Variants in TBC1D4 observed in about 807,000 individuals in gnomAD.
The protein encoded by TBC1D4 is TBC (Tre-2, BUB2, CDC16) domain-containing protein.
TBC1D4 carries 121 observed loss-of-function variants against 142.5 expected under a neutral mutation model. The observed-to-expected ratio is 0.85, with a 90% confidence interval of 0.73 to 0.99. The LOEUF (loss-of-function observed/expected upper bound fraction) is 0.99, where lower values mean the gene tolerates loss of function less well. TBC1D4 is among the 50% of genes least tolerant of loss of function. TBC1D4 has a pLI of 0.00. For missense variants in TBC1D4, 1,475 were observed against 1,606.6 expected (o/e 0.92, Z 1.40); for synonymous variants, 630 against 628.2 (o/e 1.00, Z -0.04).
At chr13:75,393,792 G>T (rs559411986) in intron 1 of TBC1D4, among the ~76,000 whole-genome samples, 12 of 151,980 alleles carry the variant, frequency 7.9e-5, no homozygotes, top group South Asian at 2.1e-4. Flanking sequence ...TTATCCAGGC[G>T]TGGTGGCACA....
intron 8 of TBC1D4, among the ~76,000 whole-genome samples, chr13:75,336,703 T>C (rs1052157588): frequency 6.6e-6 from 1 of 152,092 alleles, no homozygotes. Flanking sequence ...ATCTCACCAC[T>C]GCACTCCAAT....
At position 75,288,623 on chromosome 13, in the gene TBC1D4, A is replaced by G. The variant is rs531886564; in HGVS notation, c.3663+311T>C. ...ATTCCAGCTCAAGCCCAGGTCCTTC[A>G]CAACTTCATCAATTTCCTACATTCA... On this transcript the variant is annotated intron_variant, in intron 20 of 20. Coordinates refer to ENST00000377636, the MANE Select transcript of TBC1D4 (RefSeq NM_014832.5). Among the ~76,000 whole-genome samples, 3 of 152,196 alleles carry G rather than the reference A, an allele frequency of 2.0e-5. No individual in the cohort carries two copies. The East Asian group carries it at 5.8e-4, about 29-fold the overall frequency.
intron 1 of TBC1D4, among the ~76,000 whole-genome samples, chr13:75,383,810 G>A (rs1884006229): frequency 6.6e-6 from 1 of 152,132 alleles, no homozygotes. Flanking sequence ...CGGGGCTACT[G>A]TATATAACTG....
chr13:75,317,957 T>C (rs1878453015), intron 12 of TBC1D4, among the ~76,000 whole-genome samples: 1 of 152,236 alleles, frequency 6.6e-6, no homozygotes, highest in Admixed American at 6.5e-5. Context: ...TCAAATGCTA[T>C]AATATGAACT....
intron 5 of TBC1D4, among the ~76,000 whole-genome samples, 178 bp from the exon 6 acceptor site, chr13:75,341,765 T>C (rs113113093): frequency 5.8e-4 from 89 of 152,322 alleles, no homozygotes; most frequent in African/African-American, 2.0e-3. Context: ...TAAAACTAGA[T>C]GAAAAACCTC....
intron 1 of TBC1D4, among the ~76,000 whole-genome samples, chr13:75,425,734 T>C (rs566122585): frequency 2.0e-5 from 3 of 152,128 alleles, no homozygotes; most frequent in Non-Finnish European, 4.4e-5. Context: ...TACCACATGA[T>C]CTCACTTATC....
At chr13:75,440,494 G>A (rs947877381) in intron 1 of TBC1D4, among the ~76,000 whole-genome samples, 1 of 152,072 alleles carries the variant, frequency 6.6e-6, no homozygotes, top group African/African-American at 2.4e-5. Context: ...AATACATATT[G>A]AAGAGGGAAC....
chr13:75,436,667 A>C (rs1886813526), intron 1 of TBC1D4, among the ~76,000 whole-genome samples: 1 of 151,996 alleles, frequency 6.6e-6, no homozygotes. Flanking sequence ...CAAAAAAAAA[A>C]AACAAAAAAC....
intron 1 of TBC1D4, among the ~76,000 whole-genome samples, chr13:75,370,771 G>C (rs1883181267): frequency 6.6e-6 from 1 of 152,118 alleles, no homozygotes; most frequent in African/African-American, 2.4e-5. Flanking sequence ...TATGAGTCTG[G>C]AGCTCCAGGG....
chr13:75,308,562 A>G (rs1877407813), intron 14 of TBC1D4, among the ~76,000 whole-genome samples: 1 of 152,126 alleles, frequency 6.6e-6, no homozygotes, highest in Non-Finnish European at 1.5e-5. Context: ...TTCTGAAACC[A>G]CCTTTTGATA....
intron 9 of TBC1D4, among the ~76,000 whole-genome samples, chr13:75,326,687 C>T (rs1445702506): frequency 6.6e-6 from 1 of 152,152 alleles, no homozygotes; most frequent in Non-Finnish European, 1.5e-5. Flanking sequence ...TCCGTAAAGA[C>T]AGGCCAGAAA....
At chr13:75,388,095 A>G (rs575303077) in intron 1 of TBC1D4, among the ~76,000 whole-genome samples, 1 of 152,314 alleles carries the variant, frequency 6.6e-6, no homozygotes, top group East Asian at 1.9e-4. Flanking sequence ...CAAAGCCGGC[A>G]ATAGCGGGTT....
At chr13:75,313,582 C>T (rs535871968) in intron 12 of TBC1D4, among the ~76,000 whole-genome samples, 49 of 152,322 alleles carry the variant, frequency 3.2e-4, no homozygotes, top group African/African-American at 1.0e-3. Context: ...AGCGCAGTGG[C>T]GCAATCACAG....
intron 14 of TBC1D4, among the ~76,000 whole-genome samples, chr13:75,308,935 T>C (rs565838854): frequency 1.3e-5 from 2 of 152,218 alleles, no homozygotes; most frequent in South Asian, 4.1e-4. Flanking sequence ...AATAAAAAAA[T>C]TAAATTGAAT....
chr13:75,419,632 A>G (rs1194574506), intron 1 of TBC1D4, among the ~76,000 whole-genome samples: 1 of 152,194 alleles, frequency 6.6e-6, no homozygotes, highest in South Asian at 2.1e-4. Context: ...AAAGGTTTAT[A>G]ACAATTTACA....
chr13:75,397,183 C>T (rs1029640176), intron 1 of TBC1D4, among the ~76,000 whole-genome samples: 1 of 151,862 alleles, frequency 6.6e-6, no homozygotes. Flanking sequence ...CCAGGAAAAA[C>T]AAAAAGCTGC....
intron 1 of TBC1D4, among the ~76,000 whole-genome samples, chr13:75,393,919 C>T (rs1318444750): frequency 1.5e-5 from 2 of 131,418 alleles, no homozygotes; most frequent in African/African-American, 6.1e-5. Flanking sequence ...AAGAGCAAAA[C>T]TCTGTCTCAA....
intron 1 of TBC1D4, among the ~76,000 whole-genome samples, chr13:75,478,079 C>A (rs77064613): frequency 6.6e-6 from 1 of 152,194 alleles, no homozygotes; most frequent in East Asian, 1.9e-4. Context: ...TGTGGCAACT[C>A]CCCACAACAG....
At chr13:75,313,695 A>T (rs112912062) in intron 12 of TBC1D4, among the ~76,000 whole-genome samples, 3,165 of 152,008 alleles carry the variant, frequency 0.021, 113 homozygotes, top group African/African-American at 0.071. Flanking sequence ...CTATTTTTTT[A>T]AAAAAATCTT....
Sources: gnomAD v4.1 joint callset for allele counts (sites outside exome capture counted in the v4.1 genomes callset) on GRCh38, gnomAD v4.1.1 for gene constraint, MANE v1.5 for transcripts, NCBI Gene and HGNC (gene_info 2026-07-23, HGNC 2026-07-21) for gene names.